Variants in HSPA14 observed in about 807,000 individuals in gnomAD.
HSPA14 encodes the protein heat shock 70 kDa protein 14.
HSPA14 carries 37 observed loss-of-function variants against 65.5 expected under a neutral mutation model. The observed-to-expected ratio is 0.56, with a 90% CI of 0.43 to 0.74. The LOEUF (loss-of-function observed/expected upper bound fraction) is 0.74. HSPA14 is among the 30% of genes least tolerant of loss of function. HSPA14 has a pLI of 0.00. For missense variants in HSPA14, 564 were observed against 607.6 expected (o/e 0.93, Z 0.75); for synonymous variants, 203 against 214.2 (o/e 0.95, Z 0.46).
intron 10 of HSPA14, among the ~76,000 whole-genome samples, chr10:14,857,589 CA>C (rs1227219713): frequency 6.6e-6 from 1 of 152,156 alleles, no homozygotes; most frequent in East Asian, 1.9e-4. Context: ...CCCATTTAAT[CA>C]TTTAAATCTT....
chr10:14,842,824 C>T lies in HSPA14; in HGVS notation c.221+2667C>T. On this transcript the variant is annotated intron_variant, in intron 3 of 13. Transcript: ENST00000378372. This position sits in a 1 kb window ranked among gnomAD's most constrained non-coding sequence, Gnocchi z 5.2. ...GAGAAACCAGTGACCTTGAGGACTC[C>T]TGGGATGAATCCTCGGGTGCAGGTA... 2 of 1,534,562 alleles carry T rather than the reference C, an allele frequency of 1.3e-6. No homozygotes were observed. Among genetic ancestry groups the T allele is most frequent in the Non-Finnish European group, 1.7e-6 (2 of 1,145,940 alleles).
At chr10:14,839,580 A>C (rs982875162) in intron 1 of HSPA14, among the ~76,000 whole-genome samples, 3 of 152,234 alleles carry the variant, frequency 2.0e-5, no homozygotes, top group African/African-American at 7.2e-5. Context: ...CCAAAAAAAA[A>C]AAAAAAAGAA....
intron 3 of HSPA14, among the ~76,000 whole-genome samples, chr10:14,841,478 A>T (rs1833970277): frequency 6.6e-6 from 1 of 152,284 alleles, no homozygotes; most frequent in South Asian, 2.1e-4. Context: ...TGCTGGATTC[A>T]CCACCTCTCC....
Position 14,859,014 on chromosome 10 carries a change from T to C in HSPA14, c.993+3071T>C, listed in dbSNP as rs556244151. Among the ~76,000 whole-genome samples, 5 of 152,108 alleles carry C rather than the reference T, an allele frequency of 3.3e-5. No homozygotes were observed. In the South Asian group the frequency reaches 6.2e-4, roughly 19 times the overall value. On this transcript the variant is annotated intron_variant, in intron 10 of 13. Transcript: ENST00000378372. ...AGAGTTTGGCTTTTTTTGGAAGAAA[T>C]TCTCTCATCTCTTGCTTGAGGGGGA...
chr10:14,839,840 G>A, intron 1 of HSPA14, 65 bp from the exon 2 acceptor site: 1 of 1,154,320 alleles, frequency 8.7e-7, no homozygotes, highest in Middle Eastern at 2.1e-4. Context: ...AAGTAACACT[G>A]GTGCACAAAT....
chr10:14,847,007 G>A, intron 3 of HSPA14: 1 of 985,408 alleles, frequency 1.0e-6, no homozygotes, highest in Non-Finnish European at 1.2e-6. Context: ...GTAGTTGTGG[G>A]TCAGTCCACT....
intron 1 of HSPA14, chr10:14,838,725 A>C: frequency 2.1e-6 from 1 of 466,690 alleles, no homozygotes; most frequent in Non-Finnish European, 3.8e-6. Context: ...GGATGCCCGG[A>C]GGGGTCCCAG....
At chr10:14,840,270 A>T (rs1379244003) in intron 3 of HSPA14, 113 bp downstream of exon 3, 1 of 436,196 alleles carries the variant, frequency 2.3e-6, no homozygotes, top group East Asian at 4.4e-5. Flanking sequence ...ATTGCTTTTT[A>T]TGACTGAGTC....
chr10:14,870,502 G>A (rs1004394736), intron 12 of HSPA14, 95 bp from the exon 13 acceptor site: 6 of 1,377,962 alleles, frequency 4.4e-6, no homozygotes, highest in Non-Finnish European at 5.8e-6. Flanking sequence ...GTTTGTTTCA[G>A]TGATAAATAA....
intron 3 of HSPA14, among the ~76,000 whole-genome samples, chr10:14,848,070 T>C (rs1156777535): frequency 2.6e-5 from 4 of 152,276 alleles, no homozygotes; most frequent in Admixed American, 6.5e-5. Flanking sequence ...GAAAACATTT[T>C]GTAGTCTGCA....
chr10:14,845,052 G>A, intron 3 of HSPA14: 5 of 985,428 alleles, frequency 5.1e-6, no homozygotes, highest in Non-Finnish European at 6.0e-6. Context: ...AGAGGATGGT[G>A]TGGATAAAGA....
Position 14,852,432 on chromosome 10 carries a change from G to T in HSPA14, c.635G>T (p.Ser212Ile), listed in dbSNP as rs1441086428. Residue 212 changes from serine to isoleucine, a missense_variant, in exon 8 of 14, where the codon AGT becomes ATT. Ser to Ile is a moderately radical substitution (Grantham distance 142). Transcript: ENST00000378372. ...SLSLSVMEVN[S>I]GIYRVLSTNT... ...TCTCTCAGCGTCATGGAAGTTAACA[G>T]TGGAATATATCGGGTTCTTTCAACA... 6.2e-7 allele frequency: 1 copy of T among 1,613,926 alleles called. No homozygotes were observed. Among genetic ancestry groups the T allele is most frequent in the Non-Finnish European group, 8.5e-7 (1 of 1,179,828 alleles).
intron 10 of HSPA14, among the ~76,000 whole-genome samples, chr10:14,862,911 T>C (rs919218610): frequency 6.7e-5 from 10 of 149,766 alleles, no homozygotes; most frequent in African/African-American, 2.2e-4. Flanking sequence ...CTTGAACTCC[T>C]AGGCTCAAGA....
intron 10 of HSPA14, among the ~76,000 whole-genome samples, chr10:14,862,376 C>CTTTT (rs753404160): frequency 2.3e-5 from 3 of 128,642 alleles, no homozygotes; most frequent in African/African-American, 5.8e-5. Context: ...CTTTTCTTTT[C>CTTTT]TTTTTTTTTT....
Position 14,867,199 on chromosome 10 carries a change from T to G in HSPA14, c.1110T>G (p.Gly370=). Residue 370 remains glycine, a synonymous_variant, in exon 11 of 14, where the codon GGT becomes GGG. Transcript: ENST00000378372. ...SIPPDEVIPI[G]AAIEAGILIG... is the part of the protein sequence containing the mutation. Reference sequence around the variant, plus strand: ...CTCCTGATGAAGTGATCCCTATTGGTGCAGCTATAGAAGCAGGAATTCTTA... The same window carrying G: ...CTCCTGATGAAGTGATCCCTATTGGGGCAGCTATAGAAGCAGGAATTCTTA... The G allele has an allele frequency of 6.2e-7, 1 of 1,613,456 alleles. No homozygotes were observed. Among genetic ancestry groups the G allele is most frequent in the Non-Finnish European group, 8.5e-7 (1 of 1,179,476 alleles).
At chr10:14,870,928 T>C (rs972329930) in intron 13 of HSPA14, among the ~76,000 whole-genome samples, 2 of 152,182 alleles carry the variant, frequency 1.3e-5, no homozygotes, top group Non-Finnish European at 2.9e-5. Flanking sequence ...CTGTGCTCAT[T>C]TGAGATGTAA....
intron 9 of HSPA14, 122 bp downstream of exon 9, chr10:14,854,402 T>A: frequency 1.3e-6 from 1 of 746,812 alleles, no homozygotes; most frequent in Non-Finnish European, 2.1e-6. Context: ...CTATAATGTC[T>A]TCACTTTATT....
chr10:14,865,936 C>T (rs968120961), intron 10 of HSPA14, among the ~76,000 whole-genome samples: 14 of 152,126 alleles, frequency 9.2e-5, no homozygotes, highest in African/African-American at 3.4e-4. Flanking sequence ...ATTGATTCTT[C>T]CTATCCATGA....
chr10:14,868,679 A>G (rs1319153375), intron 12 of HSPA14, among the ~76,000 whole-genome samples: 1 of 152,222 alleles, frequency 6.6e-6, no homozygotes, highest in Non-Finnish European at 1.5e-5. Context: ...TACTTAAACC[A>G]TATTCCAGAA....
Sources: allele counts gnomAD v4.1 joint callset (sites outside exome capture counted in the v4.1 genomes callset), GRCh38; gene constraint gnomAD v4.1.1; non-coding constraint Gnocchi (gnomAD v3.1); transcripts MANE v1.5; gene names NCBI Gene and HGNC (gene_info 2026-07-23, HGNC 2026-07-21).